Variants in METTL23 observed in about 807,000 individuals in gnomAD.
METTL23 encodes methyltransferase 23, arginine, also known as histone-arginine methyltransferase METTL23.
In METTL23, 24 loss-of-function variants were observed where a neutral mutation model predicts 21.2. The observed-to-expected ratio is 1.13, with a 90% CI of 0.82 to 1.59. METTL23 has a LOEUF of 1.59. Ranked by LOEUF, METTL23 falls within the 40% of genes most tolerant of loss-of-function variation. The pLI is 0.00. For synonymous variants in METTL23, 97 were observed against 75.2 expected (o/e 1.29, Z -1.50); for missense variants, 276 against 221.4 (o/e 1.25, Z -1.57).
At chr17:76,726,418 G>C, upstream of METTL23, 1 of 1,604,688 alleles carries the variant, frequency 6.2e-7, no homozygotes, top group Non-Finnish European at 8.5e-7. Context: ...GAGTCCTTGA[G>C]CTCCGGCCGC....
chr17:76,726,726 G>T, upstream of METTL23: 3 of 528,606 alleles, frequency 5.7e-6, no homozygotes, highest in Non-Finnish European at 1.0e-5. Flanking sequence ...TGGCTCCCCT[G>T]GGGTACTCCT....
Position 76,732,992 on chromosome 17 carries a change from G to T in METTL23, c.99G>T (p.Val33=). 6.3e-7 allele frequency: 1 copy of T among 1,576,946 alleles called. No homozygotes were observed. The highest frequency in any genetic ancestry group is 8.6e-7 in the Non-Finnish European group (1 of 1,159,980). ...GKAILEIGAG[V]SLPGILAAKC... is the part of the protein sequence containing the mutation. ...TAACTTATTAGATTGGAGCTGGAGT[G>T]AGCCTTCCAGGAATTTTGGCTGCCA... The change falls in exon 3 of 5, where the codon GTG becomes GTT. Residue 33 remains valine, a synonymous_variant. Transcript: ENST00000341249.
intron 2 of METTL23, among the ~76,000 whole-genome samples, chr17:76,731,839 G>A (rs2077218126): frequency 6.6e-6 from 1 of 152,170 alleles, no homozygotes; most frequent in African/African-American, 2.4e-5. Flanking sequence ...TAATTGCTGG[G>A]CACTCACAAT....
At chr17:76,728,239 GAAAA>G (rs556657313) in intron 1 of METTL23, among the ~76,000 whole-genome samples, 1 of 110,314 alleles carries the variant, frequency 9.1e-6, no homozygotes, top group South Asian at 3.2e-4. Context: ...TTGTCAAGAA[GAAAA>G]AAAAAAAAAA....
chr17:76,733,439 C>G, intron 4 of METTL23, 62 bp downstream of exon 4: 1 of 1,594,632 alleles, frequency 6.3e-7, no homozygotes, highest in South Asian at 1.1e-5. Context: ...CCTACCCATG[C>G]GATACATAAT....
chr17:76,732,464 C>CTCCAG (rs760599222), intron 2 of METTL23, among the ~76,000 whole-genome samples: 1 of 151,872 alleles, frequency 6.6e-6, no homozygotes, highest in East Asian at 1.9e-4. Flanking sequence ...CACCATTGTA[C>CTCCAG]TCCAGCCTGA....
chr17:76,729,183 C>G (rs1316656330), intron 1 of METTL23, among the ~76,000 whole-genome samples: 2 of 151,898 alleles, frequency 1.3e-5, no homozygotes, highest in African/African-American at 2.4e-5. Flanking sequence ...CTCCGCCTCC[C>G]GTGTTCAAGC....
chr17:76,726,729 G>C (rs370217771), upstream of METTL23: 16 of 523,330 alleles, frequency 3.1e-5, no homozygotes, highest in Non-Finnish European at 5.2e-5. Flanking sequence ...CTCCCCTGGG[G>C]TACTCCTTCA....
upstream of METTL23, chr17:76,726,202 G>A (rs1054819510): frequency 1.3e-5 from 15 of 1,158,486 alleles, no homozygotes; most frequent in Non-Finnish European, 1.7e-5. Context: ...TCCGCGCCTC[G>A]GGGACCCCAA....
intron 2 of METTL23, among the ~76,000 whole-genome samples, chr17:76,731,439 A>T (rs563272833): frequency 4.1e-4 from 62 of 152,190 alleles, no homozygotes; most frequent in Non-Finnish European, 8.4e-4. Flanking sequence ...TCTCCAGGGC[A>T]TTTTATAAGG....
intron 1 of METTL23, among the ~76,000 whole-genome samples, chr17:76,727,777 C>A (rs1411652750): frequency 6.6e-6 from 1 of 152,234 alleles, no homozygotes; most frequent in Non-Finnish European, 1.5e-5. Flanking sequence ...GGCGCCCAGG[C>A]TGGAGCGCAG....
chr17:76,730,689 C>T (rs12936775), intron 2 of METTL23, among the ~76,000 whole-genome samples: 63,379 of 152,140 alleles, frequency 0.42, 16,164 homozygotes, highest in Non-Finnish European at 0.56. Flanking sequence ...TGTCTCTTGC[C>T]GGGCGCTGTG....
rs578045790 is a variant in METTL23, at chr17:76,733,288, C to T, written c.323-5C>T. On this transcript the variant is annotated splice_polypyrimidine_tract_variant and splice_region_variant and intron_variant, in intron 3 of 4. Coordinates refer to ENST00000341249, the MANE Select transcript of METTL23 (RefSeq NM_001080510.5). Reference sequence around the variant, plus strand: ...AAAATCTATTCATAAATCCTTTCTCCTCAGATTTTGAAGACATTTTGGCTA... The same window carrying T: ...AAAATCTATTCATAAATCCTTTCTCTTCAGATTTTGAAGACATTTTGGCTA... 7.4e-6 allele frequency: 12 copies of T among 1,613,822 alleles called. No homozygotes were observed. The South Asian group carries it at 1.3e-4, about 18-fold the overall frequency.
chr17:76,732,832 C>T (rs2077282949), intron 2 of METTL23, 146 bp from the exon 3 acceptor site: 6 of 665,798 alleles, frequency 9.0e-6, no homozygotes, highest in Admixed American at 5.3e-5. Context: ...TAGTAATGTT[C>T]AGTTACGGTA....
At chr17:76,726,658 T>G, upstream of METTL23, 1 of 832,082 alleles carries the variant, frequency 1.2e-6, no homozygotes, top group Middle Eastern at 3.4e-4. Context: ...AGCCTCGGGT[T>G]GGGCAAGCGG....
chr17:76,733,586 A>G lies in METTL23; in HGVS notation c.473A>G (p.Glu158Gly), dbSNP rs1375670126. The G allele has an allele frequency of 6.2e-7, 1 of 1,613,886 alleles. No homozygotes were observed. Among genetic ancestry groups the G allele is most frequent in the Admixed American group, 1.7e-5 (1 of 60,018 alleles). ...WDMKCVHIPL[E>G]SFDADKEDIA... The stretch of plus-strand genomic sequence containing the variant: ...ATGAAATGTGTCCACATTCCTCTTG[A>G]GTCTTTTGATGCAGACAAAGAAGAT... Residue 158 changes from glutamate to glycine, a missense_variant, in exon 5 of 5, where the codon GAG becomes GGG. Transcript: ENST00000341249.
chr17:76,727,330 A>G, intron 1 of METTL23, 152 bp downstream of exon 1: 1 of 338,598 alleles, frequency 3.0e-6, no homozygotes, highest in Admixed American at 3.9e-5. Flanking sequence ...TCGGATATGA[A>G]GCCCTTCGGT....
rs1375670126 is a variant in METTL23, at chr17:76,733,586, A to C, written c.473A>C (p.Glu158Ala). Residue 158 changes from glutamate (E) to alanine (A), a missense_variant, in exon 5 of 5, where the codon GAG becomes GCG. By Grantham distance (107) the Glu-to-Ala change is moderately radical (BLOSUM62 -1). Transcript: ENST00000341249. ...WDMKCVHIPL[E>A]SFDADKEDIA... is the part of the protein sequence containing the mutation. Reference sequence around the variant, plus strand: ...ATGAAATGTGTCCACATTCCTCTTGAGTCTTTTGATGCAGACAAAGAAGAT... The same window carrying C: ...ATGAAATGTGTCCACATTCCTCTTGCGTCTTTTGATGCAGACAAAGAAGAT... 3 of 1,613,886 alleles carry C rather than the reference A, an allele frequency of 1.9e-6. No individual in the cohort carries two copies. Among genetic ancestry groups the C allele is most frequent in the South Asian group, 1.1e-5 (1 of 91,076 alleles).
Position 76,729,020 on chromosome 17 carries a change from C to T in METTL23, c.-21-670C>T, listed in dbSNP as rs942022647. The stretch of plus-strand genomic sequence containing the variant: ...TTCACCGCGTTAGCCAGGATGGTCT[C>T]GATCTCCTGACCTGATGATCCACCC... On this transcript the variant is annotated intron_variant, in intron 1 of 4. Transcript: ENST00000341249. 8.6e-4 allele frequency among the ~76,000 whole-genome samples: 130 copies of T among 150,812 alleles called. 1 individual carries two copies. Among genetic ancestry groups the T allele is most frequent in the African/African-American group, 3.0e-3 (125 of 40,988 alleles).
Sources: allele counts gnomAD v4.1 joint callset (sites outside exome capture counted in the v4.1 genomes callset), GRCh38; gene constraint gnomAD v4.1.1; transcripts MANE v1.5; gene names NCBI Gene and HGNC (gene_info 2026-07-23, HGNC 2026-07-21).